AGAP1: variants seen among roughly 807,000 people sequenced by gnomAD.
AGAP1 encodes the protein ArfGAP with GTPase domain, ankyrin repeat and PH domain 1.
AGAP1 carries 29 observed loss-of-function variants against 105.3 expected under a neutral mutation model. The ratio of observed to expected loss-of-function variants is 0.28; its 90% CI spans 0.21 to 0.38. The LOEUF (loss-of-function observed/expected upper bound fraction) is 0.38. AGAP1 is among the 10% of genes least tolerant of loss of function. AGAP1 has a pLI of 1.00. For missense variants in AGAP1, 998 were observed against 1,165.1 expected (o/e 0.86, Z 2.09); for synonymous variants, 509 against 485.9 (o/e 1.05, Z -0.63).
intron 13 of AGAP1, among the ~76,000 whole-genome samples, chr2:236,022,902 G>A (rs948478660): frequency 4.6e-5 from 7 of 152,126 alleles, no homozygotes; most frequent in Non-Finnish European, 8.8e-5. Flanking sequence ...AATAAAAACT[G>A]ACTTTCTAAT....
At chr2:235,648,724 A>C (rs1168547742) in intron 1 of AGAP1, among the ~76,000 whole-genome samples, 3 of 151,466 alleles carry the variant, frequency 2.0e-5, no homozygotes, top group Non-Finnish European at 4.4e-5. Context: ...AAAAAAAAAA[A>C]AAAAAAAAAA....
rs1479099580 is a variant in AGAP1 at position 236,036,505 on chromosome 2, AG to A, written c.1646-51del. The A allele has an allele frequency of 6.3e-7, 1 of 1,592,482 alleles. No individual in the cohort carries two copies. On this transcript the variant is annotated intron_variant, in intron 13 of 17. Coordinates refer to ENST00000304032, the MANE Select transcript of AGAP1 (RefSeq NM_001037131.3). The surrounding 1 kb of genome is among the most constrained non-coding windows in gnomAD (Gnocchi z 5.7). ...GGCGCTTCTGTGACAGAGGGCCCGCAGGGGGACTGCTGTCTCATAAAAGCTA... is the reference window on the plus strand; with the variant it reads ...GGCGCTTCTGTGACAGAGGGCCCGCAGGGGACTGCTGTCTCATAAAAGCTA...
At chr2:235,649,328 A>G (rs1366586778) in intron 1 of AGAP1, among the ~76,000 whole-genome samples, 2 of 152,178 alleles carry the variant, frequency 1.3e-5, no homozygotes, top group African/African-American at 2.4e-5. Context: ...AGAGATTTCA[A>G]TTCCGTGGGG....
At chr2:235,634,346 G>A (rs1367074261) in intron 1 of AGAP1, among the ~76,000 whole-genome samples, 4 of 152,176 alleles carry the variant, frequency 2.6e-5, no homozygotes, top group African/African-American at 4.8e-5. Flanking sequence ...CACTGTTGTG[G>A]TGATAATTAC....
Position 236,121,428 on chromosome 2 carries a change from G to A in AGAP1, c.2370+981G>A, listed in dbSNP as rs2059894838. ...CAATTCTCCTGCCTCAGCCTCCCAG[G>A]AAGCTGGGATTACAGGTGCGCACCA... On this transcript the variant is annotated intron_variant, in intron 17 of 17. Coordinates refer to ENST00000304032, the MANE Select transcript of AGAP1 (RefSeq NM_001037131.3). The surrounding 1 kb of genome is among the most constrained non-coding windows in gnomAD (Gnocchi z 4.9). 6.6e-6 allele frequency among the ~76,000 whole-genome samples: 1 copy of A among 152,124 alleles called. No individual in the cohort carries two copies. The highest frequency in any genetic ancestry group is 2.1e-4 in the South Asian group (1 of 4,820).
chr2:236,037,329 A>G (rs1018400946), intron 14 of AGAP1: 2 of 152,166 alleles, frequency 1.3e-5, no homozygotes, highest in African/African-American at 4.8e-5. Context: ...ATGTTTCTAT[A>G]TTAAAAAAAT....
At position 235,958,062 on chromosome 2, in the gene AGAP1, T is replaced by A. The variant is rs1386609494; in HGVS notation, c.1484-10400T>A. Among the ~76,000 whole-genome samples, 1 of 152,148 alleles carries A rather than the reference T, an allele frequency of 6.6e-6. No homozygotes were observed. The highest frequency in any genetic ancestry group is 1.5e-5 in the Non-Finnish European group (1 of 67,984). On this transcript the variant is annotated intron_variant, in intron 12 of 17. Coordinates refer to ENST00000304032, the MANE Select transcript of AGAP1 (RefSeq NM_001037131.3). This position sits in a 1 kb window ranked among gnomAD's most constrained non-coding sequence, Gnocchi z 4.1. ...CTCTTTTCTTTTGTCTTTCTTTTCCTTTTTTTCCATATAGATGCATGCTTC... is the reference window on the plus strand; with the variant it reads ...CTCTTTTCTTTTGTCTTTCTTTTCCATTTTTTCCATATAGATGCATGCTTC...
chr2:235,758,626 T>C (rs1342916183), intron 6 of AGAP1, among the ~76,000 whole-genome samples: 1 of 152,178 alleles, frequency 6.6e-6, no homozygotes, highest in Non-Finnish European at 1.5e-5. Flanking sequence ...TAAATTACAC[T>C]TCATTAAGGG....
chr2:235,595,126 A>G (rs1331927969), intron 1 of AGAP1, among the ~76,000 whole-genome samples: 1 of 151,998 alleles, frequency 6.6e-6, no homozygotes, highest in African/African-American at 2.4e-5. Flanking sequence ...AGTTTCAGAG[A>G]ATAAGGGGCA....
chr2:235,902,201 C>T (rs1428471070), intron 10 of AGAP1, among the ~76,000 whole-genome samples: 5 of 152,124 alleles, frequency 3.3e-5, no homozygotes, highest in African/African-American at 1.2e-4. Context: ...TTGAGTATCT[C>T]ACGTTACACA....
Position 235,866,371 on chromosome 2 carries a change from C to CT in AGAP1, c.1051-16972dup, listed in dbSNP as rs2049170805. Among the ~76,000 whole-genome samples, 1 of 152,134 alleles carries CT rather than the reference C, an allele frequency of 6.6e-6. No individual in the cohort carries two copies. The highest frequency in any genetic ancestry group is 1.5e-5 in the Non-Finnish European group (1 of 68,038). On this transcript the variant is annotated intron_variant, in intron 9 of 17. Coordinates refer to ENST00000304032, the MANE Select transcript of AGAP1 (RefSeq NM_001037131.3). The surrounding 1 kb of genome is among the most constrained non-coding windows in gnomAD (Gnocchi z 6.1). ...GTGTGTGTGATCGGGGTGTTCTGGA[C>CT]TTGAGGTACCTGGTAGATACTCGGG...
At chr2:235,710,265 T>C (rs191506279) in intron 2 of AGAP1, among the ~76,000 whole-genome samples, 86 of 152,318 alleles carry the variant, frequency 5.6e-4, no homozygotes, top group Non-Finnish European at 1.0e-3. Context: ...CCTTCATGTC[T>C]GAGATGAGGA....
Position 236,076,182 on chromosome 2 carries a change from G to A in AGAP1, c.2114+26901G>A, listed in dbSNP as rs762529113. 1.3e-5 allele frequency among the ~76,000 whole-genome samples: 2 copies of A among 152,206 alleles called. No homozygotes were observed. The highest frequency in any genetic ancestry group is 2.9e-5 in the Non-Finnish European group (2 of 68,028). ...TAAAGTCTTGAGGCGGGGCGCCGTG[G>A]CTCATGCCTGTAATCCCAGCACTTT... On this transcript the variant is annotated intron_variant, in intron 16 of 17. Transcript: ENST00000304032. The surrounding 1 kb of genome is among the most constrained non-coding windows in gnomAD (Gnocchi z 4.4).
At position 235,709,515 on chromosome 2, in the gene AGAP1, T is replaced by C. The variant is rs190112710; in HGVS notation, c.222+278T>C. On this transcript the variant is annotated intron_variant, in intron 2 of 17. Coordinates refer to ENST00000304032, the MANE Select transcript of AGAP1 (RefSeq NM_001037131.3). ...CCATCATCATCCTCTCTCTCACATC[T>C]CGTGGGTGTGTGTGTGTCCACACAC... 2.7e-5 allele frequency among the ~76,000 whole-genome samples: 4 copies of C among 148,438 alleles called. No homozygotes were observed. The East Asian group carries it at 6.3e-4, about 24-fold the overall frequency.
chr2:236,099,837 C>T (rs185704926), intron 16 of AGAP1, among the ~76,000 whole-genome samples: 4 of 152,162 alleles, frequency 2.6e-5, no homozygotes, highest in African/African-American at 9.6e-5. Context: ...GTCAGGAGTT[C>T]GAGACCAGCT....
chr2:235,947,807 A>G (rs950858555), intron 12 of AGAP1, among the ~76,000 whole-genome samples: 12 of 152,258 alleles, frequency 7.9e-5, no homozygotes, highest in Admixed American at 7.9e-4. Context: ...GCCAGTGTCT[A>G]AGCCCTGGAT....
intron 6 of AGAP1, among the ~76,000 whole-genome samples, chr2:235,757,097 C>T (rs1454521886): frequency 6.6e-6 from 1 of 152,208 alleles, no homozygotes; most frequent in East Asian, 1.9e-4. Context: ...AGCTTGTATT[C>T]ATATGACCAT....
chr2:235,811,210 C>G (rs149236207), intron 9 of AGAP1, among the ~76,000 whole-genome samples: 1 of 152,228 alleles, frequency 6.6e-6, no homozygotes, highest in East Asian at 1.9e-4. Context: ...CAGTCATACG[C>G]CTTGGCCTCC....
intron 13 of AGAP1, among the ~76,000 whole-genome samples, chr2:236,013,740 C>G (rs375302621): frequency 6.6e-6 from 1 of 152,198 alleles, no homozygotes; most frequent in African/African-American, 2.4e-5. Flanking sequence ...TGACAGTGAC[C>G]GCCACTAAAC....
Sources: allele counts gnomAD v4.1 joint callset (sites outside exome capture counted in the v4.1 genomes callset), GRCh38; gene constraint gnomAD v4.1.1; non-coding constraint Gnocchi (gnomAD v3.1); transcripts MANE v1.5; gene names NCBI Gene and HGNC (gene_info 2026-07-23, HGNC 2026-07-21).